Variants in KIF20B observed in about 807,000 individuals in gnomAD.
The protein encoded by KIF20B is kinesin-like protein KIF20B.
KIF20B carries 188 observed loss-of-function variants against 232.5 expected under a neutral mutation model. The observed-to-expected ratio is 0.81, with a 90% CI of 0.72 to 0.91. The LOEUF (loss-of-function observed/expected upper bound fraction) is 0.91. KIF20B is among the 40% of genes least tolerant of loss of function. The probability of loss-of-function intolerance (pLI) is 0.00; values close to 1 mark genes in which losing one functional copy is unlikely to be tolerated. For missense variants in KIF20B, 2,154 were observed against 2,055.9 expected, an observed-to-expected ratio of 1.05 and a Z score of -0.92; for synonymous variants, 712 against 683.0, an observed-to-expected ratio of 1.04 and a Z score of -0.66.
intron 21 of KIF20B, among the ~76,000 whole-genome samples, chr10:89,742,586 T>C (rs1011910688): frequency 6.6e-6 from 1 of 152,138 alleles, no homozygotes; most frequent in Non-Finnish European, 1.5e-5. Flanking sequence ...TTAGCAAATA[T>C]TATGAATATG....
In KIF20B at chr10:89,705,412, G is replaced by A. The variant is rs779980736; in HGVS notation, c.118G>A (p.Glu40Lys). ...FDGIKLDLSH[E>K]FSLVAPNTEA... ...TGGCATTAAGCTTGATCTGTCTCAT[G>A]AATTTTCCTTAGTTGCTCCAAATAC... Residue 40 changes from glutamate to lysine, a missense_variant, in exon 2 of 33, where the codon GAA becomes AAA. By Grantham distance (56) the Glu-to-Lys change is moderately conservative (BLOSUM62 1). Transcript: ENST00000371728. 18 of 1,614,012 alleles carry A rather than the reference G, an allele frequency of 1.1e-5. No individual in the cohort carries two copies. In the South Asian group the frequency reaches 1.9e-4, roughly 17 times the overall value.
Position 89,738,298 on chromosome 10 carries a change from A to C in KIF20B, c.3457A>C (p.Thr1153Pro). 1 of 1,612,094 alleles carries C rather than the reference A, an allele frequency of 6.2e-7. No homozygotes were observed. The highest frequency in any genetic ancestry group is 8.5e-7 in the Non-Finnish European group (1 of 1,179,360). Residue 1153 changes from threonine to proline, a missense_variant, in exon 20 of 33, where the codon ACA (threonine) becomes CCA (proline). By Grantham distance (38) the Thr-to-Pro change is conservative. Transcript: ENST00000371728. The stretch of plus-strand genomic sequence containing the variant: ...AGGAAAGAGAGCGCTTTCAGAACTT[A>C]CACAAGGTGTTACTTGCTATAAGGC... ...VEGKRALSEL[T>P]QGVTCYKAKI...
intron 30 of KIF20B, 106 bp from the exon 31 acceptor site, chr10:89,768,632 C>T (rs1842409806): frequency 9.0e-7 from 1 of 1,109,488 alleles, no homozygotes; most frequent in Non-Finnish European, 1.3e-6. Context: ...AGTTTCCTAC[C>T]TGAGAATTCA....
At chr10:89,730,064 C>T (rs896882654) in intron 18 of KIF20B, among the ~76,000 whole-genome samples, 2 of 152,066 alleles carry the variant, frequency 1.3e-5, no homozygotes, top group South Asian at 4.1e-4. Context: ...ACTCTAATAC[C>T]CACCAACATT....
Position 89,743,807 on chromosome 10 carries a change from G to T in KIF20B, c.3916-1G>T. 7.0e-7 allele frequency: 1 copy of T among 1,427,114 alleles called. No individual in the cohort carries two copies. The highest frequency in any genetic ancestry group is 1.4e-5 in the South Asian group (1 of 70,492). 88.4% of individuals were successfully genotyped at this position (1,427,114 alleles called of 1,614,324 possible). A position where few individuals can be genotyped will look rare whatever the true frequency, so the allele number is the denominator to read the frequency against. On this transcript the variant is annotated splice_acceptor_variant, in intron 21 of 32. Coordinates refer to ENST00000371728, the MANE Select transcript of KIF20B (RefSeq NM_001284259.2). LOFTEE classifies it high-confidence loss of function. The stretch of plus-strand genomic sequence containing the variant: ...TTTGTTTTATAAACATTATTTTGTA[G>T]GTATCTGTAATGCGTGATGAGGATA...
At chr10:89,768,625 T>G in intron 30 of KIF20B, 113 bp from the exon 31 acceptor site, 1 of 1,055,288 alleles carries the variant, frequency 9.5e-7, no homozygotes, top group Non-Finnish European at 1.3e-6. Flanking sequence ...TACTTAAAGT[T>G]TCCTACCTGA....
At chr10:89,723,400 A>G (rs761816604) in intron 13 of KIF20B, among the ~76,000 whole-genome samples, 25 of 152,250 alleles carry the variant, frequency 1.6e-4, no homozygotes, top group Admixed American at 4.6e-4. Flanking sequence ...TTCAAAGGCT[A>G]TAGAATTGCT....
At position 89,729,220 on chromosome 10, in the gene KIF20B, T is replaced by A; in HGVS notation, c.2364T>A (p.Ser788=). Residue 788 remains serine, a synonymous_variant, in exon 18 of 33, where the codon TCT becomes TCA. Coordinates refer to ENST00000371728, the MANE Select transcript of KIF20B (RefSeq NM_001284259.2). ...TCAACGAATTTCAGAACCTAAAGTC[T>A]CATATGGAAAACACATTTAAATGCA... The part of the protein sequence containing the change: ...DTINEFQNLK[S]HMENTFKCND... 1 of 1,495,018 alleles carries A rather than the reference T, an allele frequency of 6.7e-7. No homozygotes were observed. Among genetic ancestry groups the A allele is most frequent in the Non-Finnish European group, 9.0e-7 (1 of 1,112,606 alleles). The allele number at this position is 1,495,018 out of a possible 1,614,324, so 92.6% of individuals were successfully genotyped here.
intron 26 of KIF20B, 91 bp downstream of exon 26, chr10:89,754,764 C>G (rs964227461): frequency 1.5e-5 from 17 of 1,099,288 alleles, no homozygotes; most frequent in Middle Eastern, 2.2e-4. Context: ...ACATGGTTTT[C>G]TGTTTTTGGT....
chr10:89,746,410 G>T (rs1841911905), intron 23 of KIF20B, among the ~76,000 whole-genome samples: 1 of 152,140 alleles, frequency 6.6e-6, no homozygotes, highest in South Asian at 2.1e-4. Context: ...TCTTGCCCTG[G>T]GCGGCCGGAC....
At chr10:89,735,492 A>G (rs1285154103) in intron 19 of KIF20B, among the ~76,000 whole-genome samples, 1 of 149,734 alleles carries the variant, frequency 6.7e-6, no homozygotes, top group Non-Finnish European at 1.5e-5. Flanking sequence ...TGTACCATAT[A>G]CTTTTTAGAG....
At chr10:89,732,293 T>G (rs1402463385) in intron 18 of KIF20B, among the ~76,000 whole-genome samples, 1 of 152,030 alleles carries the variant, frequency 6.6e-6, no homozygotes, top group Non-Finnish European at 1.5e-5. Context: ...CACCTGGAAT[T>G]TTAATTTTTT....
At position 89,714,097 on chromosome 10, in the gene KIF20B, G is replaced by A; in HGVS notation, c.712+14G>A. 7.2e-7 allele frequency: 1 copy of A among 1,389,580 alleles called. No individual in the cohort carries two copies. The highest frequency in any genetic ancestry group is 9.7e-7 in the Non-Finnish European group (1 of 1,026,774). The allele number at this position is 1,389,580 out of a possible 1,614,324, so 86.1% of individuals were successfully genotyped here. A position where few individuals can be genotyped will look rare whatever the true frequency, so the allele number is the denominator to read the frequency against. On this transcript the variant is annotated intron_variant, in intron 7 of 32. Coordinates refer to ENST00000371728, the MANE Select transcript of KIF20B (RefSeq NM_001284259.2). ...ATACTCTTTATGGTAAGGTTTCGTT[G>A]CTCACTTATCTTTGATGTATCGATT...
chr10:89,753,085 T>A (rs1209114514), intron 25 of KIF20B, among the ~76,000 whole-genome samples: 1 of 152,204 alleles, frequency 6.6e-6, no homozygotes, highest in Non-Finnish European at 1.5e-5. Context: ...GTTTAATTAT[T>A]GGAATAGAAT....
intron 13 of KIF20B, among the ~76,000 whole-genome samples, chr10:89,719,924 G>A (rs1472477337): frequency 6.6e-6 from 1 of 152,034 alleles, no homozygotes; most frequent in African/African-American, 2.4e-5. Flanking sequence ...ATGAGTATGT[G>A]AATACACATC....
At chr10:89,760,171 C>T (rs1842208364) in intron 27 of KIF20B, among the ~76,000 whole-genome samples, 1 of 152,082 alleles carries the variant, frequency 6.6e-6, no homozygotes, top group African/African-American at 2.4e-5. Context: ...TAACGTGTGT[C>T]GTTCTCTATT....
rs1437541031 is a variant in KIF20B at position 89,745,945 on chromosome 10, A to G, written c.4082A>G (p.Glu1361Gly). ...QKVEEAIQQY[E>G]RACKDLNVKE... is the part of the protein sequence containing the mutation. ...GTGGAAGAAGCTATACAACAGTATG[A>G]GAGAGCATGCAAAGGTCAGGAACAA... The change falls in exon 23 of 33, where the codon GAG becomes GGG. Residue 1361 changes from glutamate (E) to glycine (G), a missense_variant. By Grantham distance (98) the Glu-to-Gly change is moderately conservative. Coordinates refer to ENST00000371728, the MANE Select transcript of KIF20B (RefSeq NM_001284259.2). 6.2e-7 allele frequency: 1 copy of G among 1,610,974 alleles called. No individual in the cohort carries two copies.
intron 31 of KIF20B, among the ~76,000 whole-genome samples, chr10:89,771,642 T>C (rs1842464399): frequency 6.6e-6 from 1 of 151,960 alleles, no homozygotes. Flanking sequence ...GAGGCCTTCT[T>C]ATGGAGGGGA....
At position 89,739,226 on chromosome 10, in the gene KIF20B, G is replaced by A. The variant is rs911619653; in HGVS notation, c.3915+130G>A. 6.2e-6 allele frequency: 6 copies of A among 972,210 alleles called. No homozygotes were observed. In the African/African-American group the frequency reaches 8.5e-5, roughly 14 times the overall value. The allele number at this position is 972,210 out of a possible 1,614,324, so 60.2% of individuals were successfully genotyped here. ...TTTATAATTTTTCTTAAAATTACAA[G>A]AACAGTTACTTCACGAGAGAAAATT... On this transcript the variant is annotated intron_variant, in intron 21 of 32. Coordinates refer to ENST00000371728, the MANE Select transcript of KIF20B (RefSeq NM_001284259.2).
Sources: allele counts gnomAD v4.1 joint callset (sites outside exome capture counted in the v4.1 genomes callset), GRCh38; gene constraint gnomAD v4.1.1; transcripts MANE v1.5; gene names NCBI Gene and HGNC (gene_info 2026-07-23, HGNC 2026-07-21).